TMEM272: variants seen among roughly 807,000 people sequenced by gnomAD.
The protein encoded by TMEM272 is transmembrane protein 272.
A neutral mutation model predicts 3.7 loss-of-function variants in TMEM272; 8 were observed. The observed-to-expected ratio is 2.17, with a 90% confidence interval of 1.27 to 3.91. The LOEUF is 3.91. TMEM272 is among the 30% of genes most tolerant of loss of function. TMEM272 has a pLI of 0.00. For synonymous variants in TMEM272, 63 were observed against 39.8 expected, an observed-to-expected ratio of 1.58 and a Z score of -2.20; for missense variants, 166 against 91.5, an observed-to-expected ratio of 1.81 and a Z score of -3.32.
At chr13:51,829,955 G>A (rs1004691076) in intron 2 of TMEM272, among the ~76,000 whole-genome samples, 2 of 152,152 alleles carry the variant, frequency 1.3e-5, no homozygotes, top group Non-Finnish European at 2.9e-5. Flanking sequence ...CTATACCAAA[G>A]GAAAGCACCA....
the TMEM272 span, among the ~76,000 whole-genome samples, chr13:51,906,107 C>T: frequency 6.6e-6 from 1 of 152,154 alleles, no homozygotes; most frequent in Non-Finnish European, 1.5e-5. Flanking sequence ...AAATGGTGGA[C>T]CAGGCTGGGG....
the TMEM272 span, among the ~76,000 whole-genome samples, chr13:51,922,071 G>C: frequency 7.2e-5 from 11 of 152,330 alleles, no homozygotes; most frequent in Admixed American, 3.9e-4. Flanking sequence ...CCTCTCTGCA[G>C]GCAGCCCTGG....
the TMEM272 span, among the ~76,000 whole-genome samples, chr13:51,884,128 G>A: frequency 2.0e-5 from 3 of 152,194 alleles, no homozygotes; most frequent in African/African-American, 7.2e-5. Context: ...TAAAGAGGTA[G>A]AGAATGATGC....
the TMEM272 span, chr13:51,909,379 C>T: frequency 1.1e-6 from 1 of 869,792 alleles, no homozygotes; most frequent in Non-Finnish European, 1.9e-6. Flanking sequence ...ATCATTTCGT[C>T]TACTTTAGAA....
chr13:51,844,840 G>A (rs979786832), intron 1 of TMEM272, among the ~76,000 whole-genome samples, 176 bp downstream of exon 1: 1 of 152,192 alleles, frequency 6.6e-6, no homozygotes, highest in African/African-American at 2.4e-5. Flanking sequence ...CTTAGACTCA[G>A]TGAAGATTGT....
At chr13:51,823,547 T>C (rs1331728349) in intron 3 of TMEM272, among the ~76,000 whole-genome samples, 1 of 152,266 alleles carries the variant, frequency 6.6e-6, no homozygotes, top group Non-Finnish European at 1.5e-5. Flanking sequence ...ATGATGGAAT[T>C]TGCGTAAGCA....
chr13:51,884,213 C>G, the TMEM272 span, among the ~76,000 whole-genome samples: 1 of 148,356 alleles, frequency 6.7e-6, no homozygotes, highest in Non-Finnish European at 1.5e-5. Context: ...CCTAACATTT[C>G]CACAGTAAAT....
chr13:51,838,539 C>T lies in TMEM272; in HGVS notation c.-9G>A, dbSNP rs1367746589. ...TCCAGACCTCCTGGCATTGTTCTTGCTCGCTGACAAAGTTCTGAGGATCAA... is the reference window on the plus strand; with the variant it reads ...TCCAGACCTCCTGGCATTGTTCTTGTTCGCTGACAAAGTTCTGAGGATCAA... On this transcript the variant is annotated 5_prime_UTR_variant, in exon 2 of 5. Transcript: ENST00000629372. 1.4e-6 allele frequency: 1 copy of T among 703,074 alleles called. No individual in the cohort carries two copies. Among genetic ancestry groups the T allele is most frequent in the Non-Finnish European group, 2.6e-6 (1 of 385,018 alleles). 43.6% of individuals were successfully genotyped at this position (703,074 alleles called of 1,614,324 possible).
chr13:51,891,449 C>T, the TMEM272 span, among the ~76,000 whole-genome samples: 1 of 152,176 alleles, frequency 6.6e-6, no homozygotes, highest in African/African-American at 2.4e-5. Flanking sequence ...GGTTCTATCT[C>T]CCAACAGATT....
chr13:51,922,672 G>A, the TMEM272 span, among the ~76,000 whole-genome samples: 1 of 152,202 alleles, frequency 6.6e-6, no homozygotes, highest in Non-Finnish European at 1.5e-5. Context: ...TACCGTCCCA[G>A]AGGTTGGAAG....
the TMEM272 span, chr13:51,908,474 G>A: frequency 0.088 from 129,605 of 1,477,384 alleles, 5,032 homozygotes; most frequent in African/African-American, 0.16. Flanking sequence ...GAGGTGGAGG[G>A]AAAGGAGGTC....
chr13:51,902,024 T>C, the TMEM272 span, among the ~76,000 whole-genome samples: 1 of 152,062 alleles, frequency 6.6e-6, no homozygotes, highest in Non-Finnish European at 1.5e-5. Context: ...TCAAGCTCCA[T>C]GGAAAGGTCA....
the TMEM272 span, among the ~76,000 whole-genome samples, chr13:51,925,674 G>A: frequency 1.3e-5 from 2 of 152,052 alleles, no homozygotes; most frequent in Non-Finnish European, 2.9e-5. Flanking sequence ...CCCACAGCTT[G>A]CCAAGGAGAG....
chr13:51,821,678 AAAAAAAAAAGCAAAAAAAAAAAAAGC>A (rs1956079897), intron 4 of TMEM272, among the ~76,000 whole-genome samples: 1 of 136,506 alleles, frequency 7.3e-6, no homozygotes, highest in African/African-American at 2.8e-5. Context: ...CAAAAAAAAA[AAAAAAAAAAGCAAAAAAAAAAAAAGC>A]AGCAGCAGCA....
chr13:51,864,130 T>G, the TMEM272 span, among the ~76,000 whole-genome samples: 1 of 151,784 alleles, frequency 6.6e-6, no homozygotes, highest in African/African-American at 2.4e-5. Flanking sequence ...TTTCTTTTCT[T>G]TTTTTCTTTT....
At chr13:51,867,792 T>C in the TMEM272 span, among the ~76,000 whole-genome samples, 9 of 151,988 alleles carry the variant, frequency 5.9e-5, no homozygotes, top group Admixed American at 1.3e-4. Context: ...CCATGGGGAA[T>C]AGGATGCAGG....
At chr13:51,896,154 T>C in the TMEM272 span, among the ~76,000 whole-genome samples, 1 of 152,188 alleles carries the variant, frequency 6.6e-6, no homozygotes, top group East Asian at 1.9e-4. Flanking sequence ...CCACATCCCC[T>C]TCCTGGAGAA....
chr13:51,856,723 A>C, the TMEM272 span, among the ~76,000 whole-genome samples: 1 of 152,228 alleles, frequency 6.6e-6, no homozygotes, highest in Non-Finnish European at 1.5e-5. Context: ...TAAAGCTGCC[A>C]AAGACCAAAG....
chr13:51,870,065 G>A, the TMEM272 span, among the ~76,000 whole-genome samples: 1 of 152,264 alleles, frequency 6.6e-6, no homozygotes, highest in South Asian at 2.1e-4. Flanking sequence ...TAGTCTTTAT[G>A]GTGGCTTTTG....
Sources: gnomAD v4.1 joint callset for allele counts (sites outside exome capture counted in the v4.1 genomes callset) on GRCh38, gnomAD v4.1.1 for gene constraint, MANE v1.5 for transcripts, NCBI Gene and HGNC (gene_info 2026-07-23, HGNC 2026-07-21) for gene names.